Variants in ZCCHC14 observed in about 807,000 individuals in gnomAD.
ZCCHC14 encodes the protein zinc finger CCHC-type containing 14, also known as zinc finger CCHC domain-containing protein 14.
In ZCCHC14, 16 loss-of-function variants were observed where a neutral mutation model predicts 85.0. The observed-to-expected ratio is 0.19, with a 90% confidence interval of 0.13 to 0.29. ZCCHC14 has a LOEUF of 0.29. ZCCHC14 is among the 10% of genes least tolerant of loss of function. The pLI is 1.00. For missense variants in ZCCHC14, 1,303 were observed against 1,443.5 expected, an observed-to-expected ratio of 0.90 and a Z score of 1.58; for synonymous variants, 775 against 630.7, an observed-to-expected ratio of 1.23 and a Z score of -3.43.
Position 87,417,584 on chromosome 16 carries a change from G to A in ZCCHC14, c.1259C>T (p.Ala420Val). 1 of 1,614,266 alleles carries A rather than the reference G, an allele frequency of 6.2e-7. No individual in the cohort carries two copies. The highest frequency in any genetic ancestry group is 8.5e-7 in the Non-Finnish European group (1 of 1,180,050). The change falls in exon 8 of 13, where the codon GCC becomes GTC. Residue 420 changes from alanine to valine, a missense_variant. Ala to Val is a moderately conservative substitution (Grantham distance 64, BLOSUM62 0). Around this residue, in one of 7 missense-constraint regions of ZCCHC14, gnomAD observed 389 missense variants for 397.8 expected, o/e 0.98. Transcript: ENST00000671377. ...CTGCAGACTGGAAGGCATGAGGATG[G>A]CAGGTGATGTGTCCATCTGGGTCCG... ...AYRTQMDTSP[A>V]ILMPSSLQTP...
At chr16:87,422,947 T>C (rs1193287882) in intron 4 of ZCCHC14, among the ~76,000 whole-genome samples, 1 of 152,070 alleles carries the variant, frequency 6.6e-6, no homozygotes, top group East Asian at 1.9e-4. Flanking sequence ...GGCACTGTCG[T>C]GTTCTTCAAT....
chr16:87,469,040 T>C (rs181381197), intron 1 of ZCCHC14, among the ~76,000 whole-genome samples: 201 of 152,272 alleles, frequency 1.3e-3, no homozygotes, highest in Middle Eastern at 6.8e-3. Flanking sequence ...TCAAGACACA[T>C]TGTGAGAGAC....
At position 87,406,336 on chromosome 16, in the gene ZCCHC14, T is replaced by C. The variant is rs1168409057; in HGVS notation, c.*3944A>G. On this transcript the variant is annotated 3_prime_UTR_variant, in exon 13 of 13. Coordinates refer to ENST00000671377, the MANE Select transcript of ZCCHC14 (RefSeq NM_015144.3). The stretch of plus-strand genomic sequence containing the variant: ...ACAATTTGTCCTTTTTAACAAAGTA[T>C]AATAAAACATAAAAACCCCAAAAAC... The C allele has an allele frequency of 6.6e-6, 1 of 152,598 alleles. No individual in the cohort carries two copies. Among genetic ancestry groups the C allele is most frequent in the Non-Finnish European group, 1.5e-5 (1 of 68,026 alleles). The allele number at this position is 152,598 out of a possible 1,614,324, so 9.5% of individuals were successfully genotyped here.
At position 87,447,763 on chromosome 16, in the gene ZCCHC14, C is replaced by T. The variant is rs144294858; in HGVS notation, c.694+12245G>A. Among the ~76,000 whole-genome samples, 41 of 152,354 alleles carry T rather than the reference C, an allele frequency of 2.7e-4. No individual in the cohort carries two copies. In the East Asian group the frequency reaches 7.5e-3, roughly 28 times the overall value. ...GGAATATAAGATACATTTATCACTT[C>T]ATAAGAAATGCCAAATTGTTTTCTT... On this transcript the variant is annotated intron_variant, in intron 2 of 12. Transcript: ENST00000671377.
chr16:87,476,139 C>G (rs940865457), intron 1 of ZCCHC14, among the ~76,000 whole-genome samples: 9 of 152,134 alleles, frequency 5.9e-5, no homozygotes, highest in African/African-American at 2.2e-4. Flanking sequence ...TTCAATAGCA[C>G]GGGTGAAAGC....
Position 87,412,061 on chromosome 16 carries a change from C to T in ZCCHC14, c.2660G>A (p.Gly887Asp). The part of the protein sequence containing the change: ...ESSFYSSSGG[G>D]GSTGNIPASN... The stretch of plus-strand genomic sequence containing the variant: ...GGCAGGAATGTTTCCTGTGGAGCCG[C>T]CACCGCCACTGCTGCTATAGAAACT... Residue 887 changes from glycine (G) to aspartate (D), a missense_variant, in exon 12 of 13, where the codon GGC (glycine) becomes GAC (aspartate). Coordinates refer to ENST00000671377, the MANE Select transcript of ZCCHC14 (RefSeq NM_015144.3). The T allele has an allele frequency of 6.2e-7, 1 of 1,608,540 alleles. No homozygotes were observed. The highest frequency in any genetic ancestry group is 8.5e-7 in the Non-Finnish European group (1 of 1,177,956).
chr16:87,485,910 C>T (rs1454425868), intron 1 of ZCCHC14, among the ~76,000 whole-genome samples: 1 of 152,190 alleles, frequency 6.6e-6, no homozygotes, highest in East Asian at 1.9e-4. Flanking sequence ...AGTGACAAGA[C>T]TAACGCAGAT....
At chr16:87,424,005 G>T (rs1909240181) in intron 3 of ZCCHC14, 124 bp from the exon 4 acceptor site, 1 of 896,530 alleles carries the variant, frequency 1.1e-6, no homozygotes. Flanking sequence ...CCGTGCACCT[G>T]CTGTGGGAAG....
Position 87,413,178 on chromosome 16 carries a change from C to T in ZCCHC14, c.1621G>A (p.Glu541Lys). Residue 541 changes from glutamate (E) to lysine (K), a missense_variant, in exon 11 of 13, where the codon GAG (glutamate) becomes AAG (lysine). Around this residue, in one of 7 missense-constraint regions of ZCCHC14, gnomAD observed 58 missense variants for 88.2 expected, o/e 0.66. Coordinates refer to ENST00000671377, the MANE Select transcript of ZCCHC14 (RefSeq NM_015144.3). ...SHAAELRVEV[E>K]QPHHQLPREG... ...CGGGGCAGCTGGTGATGGGGCTGCT[C>T]CACTTCCACCCGCAGCTCTGCAGAA... 6.3e-7 allele frequency: 1 copy of T among 1,579,578 alleles called. No homozygotes were observed. Among genetic ancestry groups the T allele is most frequent in the Non-Finnish European group, 8.6e-7 (1 of 1,163,594 alleles).
intron 8 of ZCCHC14, among the ~76,000 whole-genome samples, chr16:87,415,580 C>A (rs1288669626): frequency 6.6e-6 from 1 of 152,190 alleles, no homozygotes; most frequent in East Asian, 1.9e-4. Flanking sequence ...CAGTTCTGAG[C>A]AAGAGTGTCC....
At chr16:87,425,519 T>G (rs775950896) in intron 3 of ZCCHC14, among the ~76,000 whole-genome samples, 2 of 150,532 alleles carry the variant, frequency 1.3e-5, no homozygotes, top group Non-Finnish European at 2.9e-5. Context: ...GAGGCTGCAG[T>G]GAGCCGAGAT....
chr16:87,437,180 T>C (rs192914218), intron 2 of ZCCHC14, among the ~76,000 whole-genome samples: 26 of 151,138 alleles, frequency 1.7e-4, no homozygotes, highest in Middle Eastern at 3.4e-3. Flanking sequence ...CTAGTAAAAA[T>C]ACAAAATTAG....
chr16:87,486,676 T>TA (rs1277310016), intron 1 of ZCCHC14, among the ~76,000 whole-genome samples: 1 of 151,940 alleles, frequency 6.6e-6, no homozygotes, highest in Admixed American at 6.6e-5. Context: ...AAAATAAAAA[T>TA]AAAAAAAGAT....
At chr16:87,442,129 G>A (rs1465206607) in intron 2 of ZCCHC14, among the ~76,000 whole-genome samples, 1 of 152,196 alleles carries the variant, frequency 6.6e-6, no homozygotes, top group African/African-American at 2.4e-5. Flanking sequence ...CGTTGTGGGT[G>A]CGTTCACCCG....
intron 7 of ZCCHC14, among the ~76,000 whole-genome samples, chr16:87,418,534 C>T (rs1908917938): frequency 6.6e-6 from 1 of 152,238 alleles, no homozygotes; most frequent in Non-Finnish European, 1.5e-5. Flanking sequence ...GGACGCTCCT[C>T]AGGAGCACGA....
At chr16:87,477,470 C>T (rs1162027827) in intron 1 of ZCCHC14, among the ~76,000 whole-genome samples, 3 of 152,218 alleles carry the variant, frequency 2.0e-5, no homozygotes, top group African/African-American at 7.2e-5. Flanking sequence ...CTTCTACCAG[C>T]CGCAGAGTCT....
chr16:87,490,380 A>G (rs1421933146), intron 1 of ZCCHC14, among the ~76,000 whole-genome samples: 1 of 152,242 alleles, frequency 6.6e-6, no homozygotes, highest in Non-Finnish European at 1.5e-5. Flanking sequence ...TCCCGACTGC[A>G]ACCTATTCCC....
chr16:87,459,511 ATTTT>A (rs11385063), intron 2 of ZCCHC14, among the ~76,000 whole-genome samples: 1 of 140,536 alleles, frequency 7.1e-6, no homozygotes. Flanking sequence ...GGCCTGGCTA[ATTTT>A]TTTTTTTTTT....
chr16:87,425,554 C>A (rs1909325909), intron 3 of ZCCHC14, among the ~76,000 whole-genome samples: 1 of 147,940 alleles, frequency 6.8e-6, no homozygotes, highest in Admixed American at 6.8e-5. Flanking sequence ...CCAGCCTGGG[C>A]AACAAGAGCG....
Sources: gnomAD v4.1 joint callset for allele counts (sites outside exome capture counted in the v4.1 genomes callset) on GRCh38, gnomAD v4.1.1 for gene constraint, gnomAD v4.1.1 regional missense constraint, MANE v1.5 for transcripts, NCBI Gene and HGNC (gene_info 2026-07-23, HGNC 2026-07-21) for gene names.